Variants in MAX observed in about 807,000 individuals in gnomAD.
MAX encodes the protein protein max.
A neutral mutation model predicts 22.3 loss-of-function variants in MAX; 3 were observed. The observed-to-expected ratio is 0.13, with a 90% confidence interval of 0.06 to 0.35. The LOEUF is 0.35. Among genes scored for constraint, MAX ranks in the 10% least tolerant of loss-of-function variants. The probability of loss-of-function intolerance (pLI) is 1.00; values close to 1 mark genes in which losing one functional copy is unlikely to be tolerated. For synonymous variants in MAX, 72 were observed against 77.7 expected (o/e 0.93, Z 0.39); for missense variants, 119 against 209.4 (o/e 0.57, Z 2.66).
chr14:65,083,970 C>A (rs924083673), intron 3 of MAX: 7 of 1,414,706 alleles, frequency 4.9e-6, no homozygotes, highest in Non-Finnish European at 6.5e-6. Flanking sequence ...AAAAATGGAA[C>A]CCCATCAATG....
At chr14:65,086,655 G>T (rs1455238995) in intron 3 of MAX, among the ~76,000 whole-genome samples, 1 of 152,212 alleles carries the variant, frequency 6.6e-6, no homozygotes, top group African/African-American at 2.4e-5. Flanking sequence ...GCATTCAAGA[G>T]GTGACTTGGG....
chr14:65,018,643 C>G (rs1322137918), intron 3 of MAX, among the ~76,000 whole-genome samples: 3 of 151,536 alleles, frequency 2.0e-5, no homozygotes, highest in Admixed American at 6.6e-5. Flanking sequence ...AATCTTGTCT[C>G]TACTAAAAAT....
rs563468928 is a variant in MAX, at chr14:65,031,979, CGTGTGTGT to C, written c.172-25703_172-25696del. Among the ~76,000 whole-genome samples the C allele has an allele frequency of 3.8e-4, 53 of 141,168 alleles. No homozygotes were observed. The highest frequency in any genetic ancestry group is 5.7e-4 in the Admixed American group (8 of 14,156). 92.6% of individuals were successfully genotyped at this position (141,168 alleles called of 152,430 possible). The stretch of plus-strand genomic sequence containing the variant: ...ATAGACGTGCGCCTTTTTCATTTAA[CGTGTGTGT>C]GTGTGTGTGTGTGTGTGTGTGTGTG... On this transcript the variant is annotated intron_variant, in intron 3 of 3. Coordinates refer to the MAX transcript ENST00000341653. The surrounding 1 kb of genome is among the most constrained non-coding windows in gnomAD (Gnocchi z 4.6).
At chr14:65,102,518 G>A (rs1373327235), upstream of MAX, 25 of 1,463,150 alleles carry the variant, frequency 1.7e-5, no homozygotes, top group Admixed American at 1.6e-4. Flanking sequence ...CCTCCTCACT[G>A]CAGCACCGGA....
intron 3 of MAX, among the ~76,000 whole-genome samples, chr14:65,038,882 T>G (rs192031966): frequency 6.6e-5 from 10 of 152,348 alleles, no homozygotes; most frequent in Admixed American, 6.5e-4. Flanking sequence ...TACTTTTACT[T>G]CCTGACTACT....
intron 3 of MAX, among the ~76,000 whole-genome samples, chr14:65,045,085 C>T (rs767012698): frequency 2.0e-4 from 30 of 152,238 alleles, no homozygotes; most frequent in Non-Finnish European, 2.9e-4. Flanking sequence ...CAAATGGGAA[C>T]GCAAAACCGA....
At chr14:65,036,564 A>C (rs1462730421) in intron 3 of MAX, among the ~76,000 whole-genome samples, 1 of 152,196 alleles carries the variant, frequency 6.6e-6, no homozygotes, top group Non-Finnish European at 1.5e-5. Context: ...GCAGAAATAC[A>C]GAGAAATCAA....
chr14:65,101,689 C>T lies in MAX; in HGVS notation c.37-117G>A, dbSNP rs1444554178. On this transcript the variant is annotated intron_variant, in intron 1 of 4. Transcript: ENST00000358664. Reference sequence around the variant, plus strand: ...GGAAGCGGAGGGTGGGGAGTCAGCCCGACACCCCTTCCTCCCTCCCCACCC... The same window carrying T: ...GGAAGCGGAGGGTGGGGAGTCAGCCTGACACCCCTTCCTCCCTCCCCACCC... The T allele has an allele frequency of 5.2e-6, 4 of 770,756 alleles. No homozygotes were observed. The African/African-American group carries it at 5.3e-5, about 10-fold the overall frequency. The allele number at this position is 770,756 out of a possible 1,614,324, so 47.7% of individuals were successfully genotyped here. A position where few individuals can be genotyped will look rare whatever the true frequency, so the allele number is the denominator to read the frequency against.
At chr14:65,100,021 G>A (rs1484810210) in intron 2 of MAX, among the ~76,000 whole-genome samples, 1 of 152,128 alleles carries the variant, frequency 6.6e-6, no homozygotes, top group African/African-American at 2.4e-5. Flanking sequence ...TTTACCCTGT[G>A]GTTATCAAGT....
Position 65,062,895 on chromosome 14 carries a change from C to G in MAX, c.171+30813G>C, listed in dbSNP as rs1241488496. Reference sequence around the variant, plus strand: ...CTGGGGTAATTCGGTATGCTATGTCCCAGCCCTCCACACACTGCACTTCAT... The same window carrying G: ...CTGGGGTAATTCGGTATGCTATGTCGCAGCCCTCCACACACTGCACTTCAT... On this transcript the variant is annotated intron_variant, in intron 3 of 3. Transcript: ENST00000341653. The surrounding 1 kb of genome is among the most constrained non-coding windows in gnomAD (Gnocchi z 4.3). Among the ~76,000 whole-genome samples the G allele has an allele frequency of 2.0e-5, 3 of 152,166 alleles. No individual in the cohort carries two copies. Among genetic ancestry groups the G allele is most frequent in the Non-Finnish European group, 4.4e-5 (3 of 68,016 alleles).
At position 65,076,807 on chromosome 14, in the gene MAX, G is replaced by C. The variant is rs2063070209; in HGVS notation, c.296-144C>G. 1 of 889,426 alleles carries C rather than the reference G, an allele frequency of 1.1e-6. No individual in the cohort carries two copies. Among genetic ancestry groups the C allele is most frequent in the Non-Finnish European group, 1.8e-6 (1 of 544,938 alleles). 55.1% of individuals were successfully genotyped at this position (889,426 alleles called of 1,614,324 possible). On this transcript the variant is annotated intron_variant, in intron 4 of 4. Transcript: ENST00000358664. This position sits in a 1 kb window ranked among gnomAD's most constrained non-coding sequence, Gnocchi z 6.6. ...AAGATGCTCAGAAGTAGCTCCCTTC[G>C]GGTGGCTGTTCACTCACACACTTCA...
At chr14:65,085,166 T>G (rs1370335314) in intron 3 of MAX, among the ~76,000 whole-genome samples, 2 of 152,234 alleles carry the variant, frequency 1.3e-5, no homozygotes, top group Non-Finnish European at 2.9e-5. Flanking sequence ...CTTTTGAATA[T>G]TAGGCTAAAT....
At chr14:65,094,139 A>G in intron 2 of MAX, 1 of 369,884 alleles carries the variant, frequency 2.7e-6, no homozygotes, top group Non-Finnish European at 5.2e-6. Context: ...CTTATGTGAC[A>G]GAAGAGCCAC....
In MAX at chr14:65,084,984, G is replaced by A. The variant is rs982173922; in HGVS notation, c.172-6948C>T. The stretch of plus-strand genomic sequence containing the variant: ...ACATTAAATGGGGCAGGGGGGGTAC[G>A]GAGAGTCTATTTTTGGATTATACTA... On this transcript the variant is annotated intron_variant, in intron 3 of 4. Coordinates refer to ENST00000358664, the MANE Select transcript of MAX (RefSeq NM_002382.5). This position sits in a 1 kb window ranked among gnomAD's most constrained non-coding sequence, Gnocchi z 4.3. 2.0e-4 allele frequency among the ~76,000 whole-genome samples: 31 copies of A among 152,222 alleles called. No homozygotes were observed. Among genetic ancestry groups the A allele is most frequent in the African/African-American group, 6.3e-4 (26 of 41,532 alleles).
chr14:65,053,335 G>A (rs775704394), intron 3 of MAX: 1 of 1,439,694 alleles, frequency 6.9e-7, no homozygotes, highest in Non-Finnish European at 9.2e-7. Context: ...GGGGGCTTCT[G>A]GATAAACCTG....
downstream of MAX, among the ~76,000 whole-genome samples, chr14:65,074,750 T>C (rs2063020612): frequency 6.6e-6 from 1 of 152,148 alleles, no homozygotes; most frequent in South Asian, 2.1e-4. Flanking sequence ...AACTGAAAGG[T>C]CCTGGAGAAC....
At chr14:65,042,846 A>C (rs1477934207) in intron 3 of MAX, among the ~76,000 whole-genome samples, 1 of 152,244 alleles carries the variant, frequency 6.6e-6, no homozygotes, top group Non-Finnish European at 1.5e-5. Context: ...AGTAATGCTT[A>C]GCCCACTTCC....
At position 65,014,208 on chromosome 14, in the gene MAX, T is replaced by A. The variant is rs761231922; in HGVS notation, c.172-7924A>T. 1.6e-4 allele frequency among the ~76,000 whole-genome samples: 25 copies of A among 152,226 alleles called. No individual in the cohort carries two copies. The highest frequency in any genetic ancestry group is 3.1e-4 in the Non-Finnish European group (21 of 68,038). On this transcript the variant is annotated intron_variant, in intron 3 of 3. Coordinates refer to the MAX transcript ENST00000341653. The surrounding 1 kb of genome is among the most constrained non-coding windows in gnomAD (Gnocchi z 5.1). ...TAATCTTTGGACCTCATTTATATAT[T>A]TTAATTTATAAAACTGGGGCAGTAC...
chr14:65,046,900 G>A (rs1447401757), intron 3 of MAX, among the ~76,000 whole-genome samples: 1 of 151,710 alleles, frequency 6.6e-6, no homozygotes, highest in African/African-American at 2.4e-5. Flanking sequence ...GGTATTTCTT[G>A]CATAAAAAAA....
Sources: allele counts gnomAD v4.1 joint callset (sites outside exome capture counted in the v4.1 genomes callset), GRCh38; gene constraint gnomAD v4.1.1; non-coding constraint Gnocchi (gnomAD v3.1); transcripts MANE v1.5; gene names NCBI Gene and HGNC (gene_info 2026-07-23, HGNC 2026-07-21).